ALK: variants seen among roughly 807,000 people sequenced by gnomAD.
ALK encodes the protein ALK tyrosine kinase receptor.
ALK carries 74 observed loss-of-function variants against 163.1 expected under a neutral mutation model. The observed-to-expected ratio is 0.45, with a 90% CI of 0.38 to 0.55. The LOEUF is 0.55. Ranked by LOEUF, ALK falls within the 20% of genes least tolerant of loss-of-function variation. ALK has a pLI of 0.00. For missense variants in ALK, 2,063 were observed against 2,105.3 expected (o/e 0.98, Z 0.39); for synonymous variants, 960 against 843.2 (o/e 1.14, Z -2.40).
At chr2:29,793,307 A>G (rs1664232412) in intron 1 of ALK, among the ~76,000 whole-genome samples, 1 of 152,068 alleles carries the variant, frequency 6.6e-6, no homozygotes, top group Non-Finnish European at 1.5e-5. Flanking sequence ...TATTTCCATC[A>G]CATCTCCAAT....
In ALK at chr2:29,607,950, G is replaced by A. The variant is rs185074652; in HGVS notation, c.953-75834C>T. Among the ~76,000 whole-genome samples the A allele has an allele frequency of 7.9e-5, 12 of 151,468 alleles. No homozygotes were observed. In the East Asian group the frequency reaches 9.7e-4, roughly 12 times the overall value. ...ATTACAGCAATTTGCCAACATAATC[G>A]TGATTGCATCTCTTTTTTACAAAGG... is the stretch of plus-strand genomic sequence containing the variant. On this transcript the variant is annotated intron_variant, in intron 3 of 28. Transcript: ENST00000389048.
At chr2:29,760,940 G>A (rs1026393085) in intron 1 of ALK, among the ~76,000 whole-genome samples, 1 of 152,086 alleles carries the variant, frequency 6.6e-6, no homozygotes, top group African/African-American at 2.4e-5. Flanking sequence ...CCCTACCCCT[G>A]CCCCTTCTGT....
chr2:29,725,641 T>C (rs1440032293), intron 1 of ALK, among the ~76,000 whole-genome samples: 2 of 147,576 alleles, frequency 1.4e-5, no homozygotes, highest in Admixed American at 6.7e-5. Flanking sequence ...TTTCTTTTCT[T>C]TTTTTTTTTG....
chr2:29,275,068 C>T (rs2148214916), intron 11 of ALK, 31 bp downstream of exon 11: 1 of 1,613,824 alleles, frequency 6.2e-7, no homozygotes, highest in Non-Finnish European at 8.5e-7. Context: ...CAAGAAGTTA[C>T]TGTGCTCACA....
intron 3 of ALK, among the ~76,000 whole-genome samples, chr2:29,545,624 T>G (rs1673532888): frequency 6.6e-6 from 1 of 152,148 alleles, no homozygotes; most frequent in East Asian, 1.9e-4. Context: ...GGGCACTCAG[T>G]CCCTGTGCAC....
chr2:29,396,673 T>TCAAAAA (rs528264545), intron 4 of ALK, among the ~76,000 whole-genome samples: 5 of 151,960 alleles, frequency 3.3e-5, no homozygotes, highest in South Asian at 4.2e-4. Context: ...AGACTCCATC[T>TCAAAAA]CAAAAACAAA....
intron 3 of ALK, among the ~76,000 whole-genome samples, chr2:29,655,884 C>T (rs534111023): frequency 9.8e-5 from 15 of 152,298 alleles, no homozygotes; most frequent in Non-Finnish European, 2.1e-4. Flanking sequence ...CATTTCTCTG[C>T]TGATTGACAT....
intron 3 of ALK, among the ~76,000 whole-genome samples, chr2:29,643,728 C>G (rs573458995): frequency 6.6e-6 from 1 of 152,088 alleles, no homozygotes; most frequent in Admixed American, 6.6e-5. Context: ...CTATAACAAT[C>G]GAAATCTAGT....
intron 1 of ALK, among the ~76,000 whole-genome samples, chr2:29,851,441 T>G (rs1376786673): frequency 6.6e-6 from 1 of 152,198 alleles, no homozygotes. Flanking sequence ...GTTCTGAATC[T>G]CGCATTCCCT....
chr2:29,445,890 G>C (rs1031060156), intron 4 of ALK, among the ~76,000 whole-genome samples: 8 of 151,162 alleles, frequency 5.3e-5, no homozygotes, highest in African/African-American at 1.2e-4. Flanking sequence ...ACGAGGTCAG[G>C]AGATCGAGAC....
chr2:29,875,593 C>T (rs908134016), intron 1 of ALK, among the ~76,000 whole-genome samples: 4 of 152,018 alleles, frequency 2.6e-5, no homozygotes, highest in African/African-American at 9.7e-5. Flanking sequence ...TGTCCCCTAC[C>T]CCCGACAGGC....
intron 4 of ALK, among the ~76,000 whole-genome samples, chr2:29,397,761 C>T (rs1056044102): frequency 1.3e-5 from 2 of 152,182 alleles, no homozygotes; most frequent in African/African-American, 2.4e-5. Context: ...TATCACCATA[C>T]CCTTCAGGGA....
chr2:29,617,523 C>T (rs974422465), intron 3 of ALK, among the ~76,000 whole-genome samples: 3 of 152,220 alleles, frequency 2.0e-5, no homozygotes, highest in Non-Finnish European at 4.4e-5. Flanking sequence ...CAGTGACTAG[C>T]ACCTAGTGAG....
intron 5 of ALK, among the ~76,000 whole-genome samples, chr2:29,354,426 A>G (rs1668192643): frequency 6.6e-6 from 1 of 152,118 alleles, no homozygotes; most frequent in Non-Finnish European, 1.5e-5. Context: ...GGTGTCTGTG[A>G]GGGTTGAGCT....
intron 1 of ALK, among the ~76,000 whole-genome samples, chr2:29,800,056 T>C (rs990288889): frequency 2.0e-5 from 3 of 152,180 alleles, no homozygotes; most frequent in African/African-American, 7.2e-5. Flanking sequence ...TAATTCAGTG[T>C]GGTGCGTGCC....
At chr2:29,601,124 A>C (rs967908388) in intron 3 of ALK, among the ~76,000 whole-genome samples, 3 of 152,232 alleles carry the variant, frequency 2.0e-5, no homozygotes, top group Non-Finnish European at 4.4e-5. Context: ...ATTCTAGAAG[A>C]AGTTTCAAAC....
At chr2:29,667,883 T>C (rs888385995) in intron 3 of ALK, among the ~76,000 whole-genome samples, 11 of 152,136 alleles carry the variant, frequency 7.2e-5, no homozygotes, top group African/African-American at 2.7e-4. Flanking sequence ...CTCTAAATGT[T>C]TGTTACACAA....
intron 1 of ALK, among the ~76,000 whole-genome samples, chr2:29,848,209 TTCAA>T (rs1379035678): frequency 6.6e-6 from 1 of 152,142 alleles, no homozygotes; most frequent in Non-Finnish European, 1.5e-5. Flanking sequence ...ACAGTGGGAC[TTCAA>T]TTCTGATGTC....
chr2:29,584,109 A>G (rs1674804042), intron 3 of ALK, among the ~76,000 whole-genome samples: 1 of 151,748 alleles, frequency 6.6e-6, no homozygotes, highest in Non-Finnish European at 1.5e-5. Flanking sequence ...CCCCTGAAAT[A>G]CCCAGGCTGC....
Sources: allele counts gnomAD v4.1 joint callset (sites outside exome capture counted in the v4.1 genomes callset), GRCh38; gene constraint gnomAD v4.1.1; transcripts MANE v1.5; gene names NCBI Gene and HGNC (gene_info 2026-07-23, HGNC 2026-07-21).